ZBBX: variants seen among roughly 807,000 people sequenced by gnomAD.
ZBBX encodes zinc finger B-box domain containing, also known as zinc finger B-box domain-containing protein 1.
Under a neutral mutation model 108.5 loss-of-function variants are expected in ZBBX, and 101 were observed. The observed-to-expected ratio is 0.93, with a 90% CI of 0.79 to 1.10. The LOEUF is 1.10. Among genes scored for constraint, ZBBX ranks in the 50% least tolerant of loss-of-function variants. ZBBX has a pLI of 0.00. For synonymous variants in ZBBX, 356 were observed against 323.4 expected (o/e 1.10, Z -1.08); for missense variants, 1,009 against 941.4 (o/e 1.07, Z -0.94).
chr3:167,351,961 C>T (rs3885941), intron 8 of ZBBX, among the ~76,000 whole-genome samples: 10,275 of 152,134 alleles, frequency 0.068, 570 homozygotes, highest in African/African-American at 0.15. Flanking sequence ...ACATAGCCAT[C>T]GCTGACCCAC....
upstream of ZBBX, chr3:167,381,287 A>C (rs1275988768): frequency 6.6e-6 from 1 of 152,208 alleles, no homozygotes; most frequent in African/African-American, 2.4e-5. Context: ...GGAGTCAGGC[A>C]GATTCAAGAT....
intron 10 of ZBBX, among the ~76,000 whole-genome samples, chr3:167,332,306 C>T (rs914842752): frequency 6.6e-6 from 1 of 151,558 alleles, no homozygotes; most frequent in East Asian, 1.9e-4. Context: ...CACACACACA[C>T]GTCTGAACCC....
intron 9 of ZBBX, among the ~76,000 whole-genome samples, chr3:167,334,479 C>G (rs1739217044): frequency 6.6e-6 from 1 of 152,044 alleles, no homozygotes; most frequent in African/African-American, 2.4e-5. Context: ...GAGGCTGAGA[C>G]AGGAGGATTG....
intron 8 of ZBBX, among the ~76,000 whole-genome samples, chr3:167,356,055 T>A (rs1743521092): frequency 6.6e-6 from 1 of 152,052 alleles, no homozygotes. Flanking sequence ...CTGTTCAAGT[T>A]CCATGGCTCA....
At chr3:167,234,902 A>T (rs1720167707), downstream of ZBBX, among the ~76,000 whole-genome samples, 1 of 151,792 alleles carries the variant, frequency 6.6e-6, no homozygotes, top group Non-Finnish European at 1.5e-5. Flanking sequence ...CAGCTAGGAG[A>T]CATCCATTTT....
chr3:167,261,130 T>C (rs1017487046), intron 20 of ZBBX, among the ~76,000 whole-genome samples: 1 of 152,180 alleles, frequency 6.6e-6, no homozygotes, highest in Non-Finnish European at 1.5e-5. Context: ...AGAGTCTACC[T>C]GGCTCTGGAC....
upstream of ZBBX, among the ~76,000 whole-genome samples, chr3:167,381,800 T>C (rs982722195): frequency 1.3e-5 from 2 of 152,308 alleles, no homozygotes; most frequent in South Asian, 4.1e-4. Context: ...TTTTCAAATA[T>C]ATTTTAACAG....
chr3:167,373,025 A>T (rs1195019313), intron 3 of ZBBX, 75 bp from the exon 4 acceptor site: 1 of 645,354 alleles, frequency 1.5e-6, no homozygotes, highest in African/African-American at 1.9e-5. Context: ...AACTCCATAT[A>T]ATTCAGGAAT....
At chr3:167,378,769 G>C (rs371006165) in intron 2 of ZBBX, among the ~76,000 whole-genome samples, 1 of 152,250 alleles carries the variant, frequency 6.6e-6, no homozygotes, top group African/African-American at 2.4e-5. Flanking sequence ...ATGAGCTTTA[G>C]TGTTTACCTC....
Position 167,317,079 on chromosome 3 carries a change from C to T in ZBBX, c.1120G>A (p.Ala374Thr). 1 of 1,610,332 alleles carries T rather than the reference C, an allele frequency of 6.2e-7. No individual in the cohort carries two copies. The highest frequency in any genetic ancestry group is 8.5e-7 in the Non-Finnish European group (1 of 1,177,592). ...AATGTTTCTACTGGCAATAAAAGAG[C>T]TGTGTGTTGTACTTTGGTCTCCTCA... ...DGEETKVQHTALLLPVETLNI... is the reference protein window; with the variant it reads ...DGEETKVQHTTLLLPVETLNI... Residue 374 changes from alanine to threonine, a missense_variant, in exon 14 of 22, where the codon GCT becomes ACT. Ala to Thr is a moderately conservative substitution (Grantham distance 58). Coordinates refer to ENST00000675490, the MANE Select transcript of ZBBX (RefSeq NM_001199201.2).
chr3:167,294,718 T>C (rs1324525321), intron 18 of ZBBX, among the ~76,000 whole-genome samples: 1 of 152,102 alleles, frequency 6.6e-6, no homozygotes, highest in East Asian at 1.9e-4. Flanking sequence ...ACTAAAGGGC[T>C]TCTGCACAGC....
chr3:167,312,345 AT>A (rs1734733052), intron 16 of ZBBX, among the ~76,000 whole-genome samples: 1 of 152,158 alleles, frequency 6.6e-6, no homozygotes, highest in Non-Finnish European at 1.5e-5. Context: ...GTATGATACT[AT>A]AAGTGGTGAA....
intron 20 of ZBBX, among the ~76,000 whole-genome samples, chr3:167,260,577 T>C (rs926391827): frequency 6.6e-6 from 1 of 152,206 alleles, no homozygotes; most frequent in Non-Finnish European, 1.5e-5. Context: ...TTAAAGACCT[T>C]GTCTTTGAGC....
rs1488882354 is a variant in ZBBX, at chr3:167,240,083, C to G, written c.*710G>C. ...ATGATTCAATTACTTCCCACCAGGTCCCTCCCAGGACACCTGGAGATTATA... is the reference window on the plus strand; with the variant it reads ...ATGATTCAATTACTTCCCACCAGGTGCCTCCCAGGACACCTGGAGATTATA... On this transcript the variant is annotated 3_prime_UTR_variant, in exon 22 of 22. Coordinates refer to ENST00000675490, the MANE Select transcript of ZBBX (RefSeq NM_001199201.2). Among the ~76,000 whole-genome samples, 2 of 152,100 alleles carry G rather than the reference C, an allele frequency of 1.3e-5. No homozygotes were observed. The highest frequency in any genetic ancestry group is 4.8e-5 in the African/African-American group (2 of 41,420).
At chr3:167,236,719 C>T (rs1461540650), downstream of ZBBX, among the ~76,000 whole-genome samples, 1 of 151,642 alleles carries the variant, frequency 6.6e-6, no homozygotes, top group Non-Finnish European at 1.5e-5. Flanking sequence ...TAATGACATC[C>T]CATTCTGAGC....
At chr3:167,292,287 T>C (rs1730833563) in intron 18 of ZBBX, among the ~76,000 whole-genome samples, 3 of 152,162 alleles carry the variant, frequency 2.0e-5, no homozygotes, top group Admixed American at 6.5e-5. Context: ...TATTCTAAAA[T>C]TGACCACATA....
chr3:167,390,297 G>T (rs1748047767), intron 1 of ZBBX, among the ~76,000 whole-genome samples: 2 of 151,936 alleles, frequency 1.3e-5, no homozygotes, highest in African/African-American at 2.4e-5. Context: ...TATTTCTGAG[G>T]CCTCTTTTCT....
chr3:167,382,258 T>C (rs1170212325), upstream of ZBBX, among the ~76,000 whole-genome samples: 2 of 152,136 alleles, frequency 1.3e-5, no homozygotes, highest in African/African-American at 2.4e-5. Flanking sequence ...CTAAGTCACA[T>C]AGTAAAATAA....
the ZBBX span, among the ~76,000 whole-genome samples, chr3:167,204,959 A>G: frequency 6.6e-6 from 1 of 152,096 alleles, no homozygotes; most frequent in African/African-American, 2.4e-5. Context: ...GAAGAGATAA[A>G]TTTGGTTCTT....
Sources: allele counts gnomAD v4.1 joint callset (sites outside exome capture counted in the v4.1 genomes callset), GRCh38; gene constraint gnomAD v4.1.1; transcripts MANE v1.5; gene names NCBI Gene and HGNC (gene_info 2026-07-23, HGNC 2026-07-21).